ZNF655: variants seen among roughly 807,000 people sequenced by gnomAD.
ZNF655 encodes zinc finger protein 655, also known as Vav-interacting Kruppel-like protein 1.
ZNF655 carries 3 observed loss-of-function variants against 6.6 expected under a neutral mutation model. That is an observed-to-expected ratio of 0.46 (90% CI 0.21 to 1.18). ZNF655 has a LOEUF of 1.18. ZNF655 is among the 50% of genes most tolerant of loss of function. The pLI, the probability that ZNF655 is intolerant of heterozygous loss-of-function variation, is 0.24. For synonymous variants in ZNF655, 178 were observed against 195.0 expected, an observed-to-expected ratio of 0.91 and a Z score of 0.73; for missense variants, 526 against 572.3, an observed-to-expected ratio of 0.92 and a Z score of 0.83.
At chr7:99,566,855 GC>G (rs1803673774) in intron 2 of ZNF655, among the ~76,000 whole-genome samples, 1 of 152,172 alleles carries the variant, frequency 6.6e-6, no homozygotes, top group Non-Finnish European at 1.5e-5. Flanking sequence ...ACCATGCTCA[GC>G]TTTAACTGTT....
Position 99,573,153 on chromosome 7 carries a change from C to G in ZNF655, c.1045C>G (p.Gln349Glu), listed in dbSNP as rs1259012328. Residue 349 changes from glutamine (Q) to glutamate (E), a missense_variant, in exon 3 of 3, where the codon CAG becomes GAG. Coordinates refer to ENST00000252713, the MANE Select transcript of ZNF655 (RefSeq NM_138494.3). ...CCATACTTCATACCTACTTGAACATCAGAGGGTCCATCATGAAGAGAAAGC... is the reference window on the plus strand; with the variant it reads ...CCATACTTCATACCTACTTGAACATGAGAGGGTCCATCATGAAGAGAAAGC... ...FCHTSYLLEH[Q>E]RVHHEEKAYE... The G allele has an allele frequency of 2.5e-6, 4 of 1,613,972 alleles. No individual in the cohort carries two copies. Among genetic ancestry groups the G allele is most frequent in the Non-Finnish European group, 3.4e-6 (4 of 1,180,004 alleles).
At chr7:99,571,765 A>G in intron 2 of ZNF655, 1 of 1,608,110 alleles carries the variant, frequency 6.2e-7, no homozygotes, top group Non-Finnish European at 8.5e-7. Context: ...AACTAAGACT[A>G]GAGAAGTCTT....
intron 2 of ZNF655, among the ~76,000 whole-genome samples, chr7:99,565,077 C>T (rs1377382991): frequency 6.6e-6 from 1 of 152,174 alleles, no homozygotes; most frequent in Non-Finnish European, 1.5e-5. Flanking sequence ...TGCTCAAGGT[C>T]ATCGCCAAGG....
rs1305140635 is a variant in ZNF655, at chr7:99,573,924, A to G, written c.*340A>G. 4.1e-6 allele frequency: 1 copy of G among 246,070 alleles called. No homozygotes were observed. The highest frequency in any genetic ancestry group is 7.8e-6 in the Non-Finnish European group (1 of 127,616). 15.2% of individuals were successfully genotyped at this position (246,070 alleles called of 1,614,324 possible). A position where few individuals can be genotyped will look rare whatever the true frequency, so the allele number is the denominator to read the frequency against. ...ATGGGAATAAAATTCCATTGCTGCA[A>G]TGAATGTGAAAAAGCCATCAGTCAA... On this transcript the variant is annotated 3_prime_UTR_variant, in exon 3 of 3. Coordinates refer to ENST00000252713, the MANE Select transcript of ZNF655 (RefSeq NM_138494.3).
In ZNF655 at chr7:99,571,582, C is replaced by A. The variant is rs1804071116; in HGVS notation, c.137-663C>A. ...TCCAGACCTTCCTAATTAATGTCTT[C>A]TCAGAATCGACCTTCTGTCTCTCTT... On this transcript the variant is annotated intron_variant, in intron 2 of 2. Coordinates refer to ENST00000252713, the MANE Select transcript of ZNF655 (RefSeq NM_138494.3). The A allele has an allele frequency of 2.9e-6, 3 of 1,037,964 alleles. No homozygotes were observed. The South Asian group carries it at 4.9e-5, about 17-fold the overall frequency. 64.3% of individuals were successfully genotyped at this position (1,037,964 alleles called of 1,614,324 possible).
intron 2 of ZNF655, 126 bp downstream of exon 2, chr7:99,560,821 T>C: frequency 8.2e-7 from 1 of 1,224,328 alleles, no homozygotes; most frequent in Non-Finnish European, 1.1e-6. Flanking sequence ...GAGGGAGGAA[T>C]GAAAGAGGGG....
intron 1 of ZNF655, 95 bp from the exon 2 acceptor site, chr7:99,560,438 C>T (rs1006705478): frequency 1.3e-5 from 16 of 1,223,634 alleles, no homozygotes; most frequent in South Asian, 3.4e-5. Context: ...TATTGAATAT[C>T]CATAGTGTGT....
chr7:99,561,882 C>A (rs367920976), intron 2 of ZNF655: 10 of 1,510,206 alleles, frequency 6.6e-6, no homozygotes, highest in Non-Finnish European at 8.9e-6. Context: ...CTTTCTCCTC[C>A]CTCAGCTCCA....
In ZNF655 at chr7:99,572,481, A is replaced by G. The variant is rs751440679; in HGVS notation, c.373A>G (p.Ser125Gly). Reference protein sequence around the residue: ...QITISKETFTSEKNNECHEPE... With the variant: ...QITISKETFTGEKNNECHEPE... ...AACAATCAGCAAGGAAACCTTCACC[A>G]GTGAGAAGAACAATGAATGTCATGA... The change falls in exon 3 of 3, where the codon AGT (serine) becomes GGT (glycine). Residue 125 changes from serine (S) to glycine (G), a missense_variant. Ser to Gly is a moderately conservative substitution (Grantham distance 56). Transcript: ENST00000252713. 2.0e-5 allele frequency: 32 copies of G among 1,613,924 alleles called. 1 individual carries two copies. The Middle Eastern group carries it at 1.2e-3, about 58-fold the overall frequency.
chr7:99,560,956 T>C, intron 2 of ZNF655: 1 of 314,478 alleles, frequency 3.2e-6, no homozygotes, highest in African/African-American at 2.1e-5. Context: ...AACCTTCACT[T>C]CATCCCAGTT....
chr7:99,573,899 A>G lies in ZNF655; in HGVS notation c.*315A>G. On this transcript the variant is annotated 3_prime_UTR_variant, in exon 3 of 3. Coordinates refer to ENST00000252713, the MANE Select transcript of ZNF655 (RefSeq NM_138494.3). Reference sequence around the variant, plus strand: ...CCTTAGTCACATTTGGAGAATTCACATGGGAATAAAATTCCATTGCTGCAA... The same window carrying G: ...CCTTAGTCACATTTGGAGAATTCACGTGGGAATAAAATTCCATTGCTGCAA... 3.6e-6 allele frequency: 1 copy of G among 280,576 alleles called. No individual in the cohort carries two copies. Among genetic ancestry groups the G allele is most frequent in the Non-Finnish European group, 6.7e-6 (1 of 149,640 alleles). The allele number at this position is 280,576 out of a possible 1,614,324, so 17.4% of individuals were successfully genotyped here. A position where few individuals can be genotyped will look rare whatever the true frequency, so the allele number is the denominator to read the frequency against.
In ZNF655 at chr7:99,572,535, A is replaced by T; in HGVS notation, c.427A>T (p.Thr143Ser). The stretch of plus-strand genomic sequence containing the variant: ...CGAAAAAAGCTTCAGTCTGGACTCT[A>T]CTATTGATGCAGATCAGAGAGTTCT... ...EPEKSFSLDS[T>S]IDADQRVLRI... The change falls in exon 3 of 3, where the codon ACT (threonine) becomes TCT (serine). Residue 143 changes from threonine (T) to serine (S), a missense_variant. Physicochemically the swap from Thr to Ser is moderately conservative, Grantham distance 58. Transcript: ENST00000252713. The T allele has an allele frequency of 6.2e-7, 1 of 1,614,000 alleles. No individual in the cohort carries two copies. Among genetic ancestry groups the T allele is most frequent in the Non-Finnish European group, 8.5e-7 (1 of 1,179,960 alleles).
At chr7:99,571,949 T>C (rs1804105109) in intron 2 of ZNF655, among the ~76,000 whole-genome samples, 2 of 152,212 alleles carry the variant, frequency 1.3e-5, no homozygotes, top group Non-Finnish European at 2.9e-5. Flanking sequence ...CCCTTTCCAT[T>C]TGTTTAGTAT....
Position 99,574,949 on chromosome 7 carries a change from T to TA in ZNF655, c.*1371dup, listed in dbSNP as rs1562940601. 1 of 152,294 alleles carries TA rather than the reference T, an allele frequency of 6.6e-6. No individual in the cohort carries two copies. The highest frequency in any genetic ancestry group is 6.5e-5 in the Admixed American group (1 of 15,272). The allele number at this position is 152,294 out of a possible 1,614,324, so 9.4% of individuals were successfully genotyped here. A position where few individuals can be genotyped will look rare whatever the true frequency, so the allele number is the denominator to read the frequency against. ...TTTCCTAAAGTGAAGCATCTTTTTT[T>TA]AAAAAAGAATTTGATTGACAATATA... On this transcript the variant is annotated 3_prime_UTR_variant, in exon 3 of 3. Transcript: ENST00000252713.
At chr7:99,562,081 A>C in intron 2 of ZNF655, 2 of 1,019,026 alleles carry the variant, frequency 2.0e-6, no homozygotes, top group Admixed American at 3.4e-5. Flanking sequence ...TTTCAATAGC[A>C]GACTCCAGTT....
In ZNF655 at chr7:99,573,599, G is replaced by A. The variant is rs375178324; in HGVS notation, c.*15G>A. 1.8e-5 allele frequency: 28 copies of A among 1,585,556 alleles called. No homozygotes were observed. The African/African-American group carries it at 3.4e-4, about 19-fold the overall frequency. On this transcript the variant is annotated 3_prime_UTR_variant, in exon 3 of 3. Transcript: ENST00000252713. The stretch of plus-strand genomic sequence containing the variant: ...AGAACTCATGAATGTAATGAAGATG[G>A]GAAGATATTTATCAAATTCAGGCTT...
rs780945864 is a variant in ZNF655 at position 99,573,423 on chromosome 7, A to C, written c.1315A>C (p.Asn439His). 4.2e-5 allele frequency: 68 copies of C among 1,614,020 alleles called. No individual in the cohort carries two copies. The highest frequency in any genetic ancestry group is 4.3e-5 in the Non-Finnish European group (51 of 1,180,016). The change falls in exon 3 of 3, where the codon AAT becomes CAT. Residue 439 changes from asparagine to histidine, a missense_variant. Asn to His is a moderately conservative substitution (Grantham distance 68). Coordinates refer to ENST00000252713, the MANE Select transcript of ZNF655 (RefSeq NM_138494.3). ...TAGGAAAGAGAAATCGTATGAATGT[A>C]ATGAGTATGAGGGCAGTTTCAGTCA... is the stretch of plus-strand genomic sequence containing the variant. Reference protein sequence around the residue: ...MHRKEKSYECNEYEGSFSHSS... With the variant: ...MHRKEKSYECHEYEGSFSHSS...
At chr7:99,569,153 C>G (rs1225787406) in intron 2 of ZNF655, among the ~76,000 whole-genome samples, 4 of 152,286 alleles carry the variant, frequency 2.6e-5, no homozygotes, top group South Asian at 2.1e-4. Context: ...GTATGTTATT[C>G]TAATCACTTT....
At chr7:99,572,075 T>C (rs544778026) in intron 2 of ZNF655, among the ~76,000 whole-genome samples, 170 bp from the exon 3 acceptor site, 23 of 152,358 alleles carry the variant, frequency 1.5e-4, no homozygotes, top group African/African-American at 4.6e-4. Flanking sequence ...TCACTGCTCC[T>C]GTTTATGCCC....
Sources: allele counts gnomAD v4.1 joint callset (sites outside exome capture counted in the v4.1 genomes callset), GRCh38; gene constraint gnomAD v4.1.1; transcripts MANE v1.5; gene names NCBI Gene and HGNC (gene_info 2026-07-23, HGNC 2026-07-21).